The following PLEKHH2 variants were observed in gnomAD, a reference collection of about 807,000 sequenced individuals.
PLEKHH2 encodes the protein pleckstrin homology domain-containing family H member 2.
Under a neutral mutation model 187.9 loss-of-function variants are expected in PLEKHH2, and 129 were observed. The ratio of observed to expected loss-of-function variants is 0.69; its 90% CI spans 0.59 to 0.79. The LOEUF (loss-of-function observed/expected upper bound fraction) is 0.79, where lower values mean the gene tolerates loss of function less well. PLEKHH2 is among the 30% of genes least tolerant of loss of function. PLEKHH2 has a pLI of 0.00. For missense variants in PLEKHH2, 2,076 were observed against 1,751.2 expected (o/e 1.19, Z -3.31); for synonymous variants, 686 against 605.6 (o/e 1.13, Z -1.95).
intron 16 of PLEKHH2, among the ~76,000 whole-genome samples, chr2:43,721,122 T>G (rs1287295616): frequency 6.6e-6 from 1 of 152,184 alleles, no homozygotes; most frequent in Non-Finnish European, 1.5e-5. Flanking sequence ...GGAATCTATT[T>G]CTGTCCCAAG....
Position 43,678,922 on chromosome 2 carries a change from A to C in PLEKHH2, c.183A>C (p.Gln61His), listed in dbSNP as rs1489918434. ...AACGTCAAGCAGAAAAAGCTTTTCA[A>C]CAGGTAGAGTATAATTTTACTTTAA... is the stretch of plus-strand genomic sequence containing the variant. ...DAERQAEKAF[Q>H]QVQVMEDKLK... Residue 61 changes from glutamine (Q) to histidine (H), a missense_variant, in exon 3 of 30, where the codon CAA becomes CAC. By Grantham distance (24) the Gln-to-His change is conservative. Coordinates refer to ENST00000282406, the MANE Select transcript of PLEKHH2 (RefSeq NM_172069.4). 1 of 1,607,076 alleles carries C rather than the reference A, an allele frequency of 6.2e-7. No individual in the cohort carries two copies. The highest frequency in any genetic ancestry group is 1.1e-5 in the South Asian group (1 of 90,348).
At chr2:43,749,048 C>T (rs886725770) in intron 24 of PLEKHH2, among the ~76,000 whole-genome samples, 4 of 152,112 alleles carry the variant, frequency 2.6e-5, no homozygotes, top group African/African-American at 9.7e-5. Context: ...TGAGCCACTG[C>T]GCCCAGCCAA....
chr2:43,640,655 TG>T (rs1278334303), intron 1 of PLEKHH2, among the ~76,000 whole-genome samples: 1 of 152,236 alleles, frequency 6.6e-6, no homozygotes, highest in African/African-American at 2.4e-5. Flanking sequence ...TGAAGTGGAA[TG>T]TTGTTGTGAC....
intron 2 of PLEKHH2, among the ~76,000 whole-genome samples, chr2:43,672,255 GT>G (rs1403805358): frequency 1.3e-5 from 2 of 151,984 alleles, no homozygotes; most frequent in Non-Finnish European, 2.9e-5. Flanking sequence ...GATAATTTGT[GT>G]CTTTTTTCTT....
At chr2:43,645,718 C>T (rs1666150600) in intron 2 of PLEKHH2, among the ~76,000 whole-genome samples, 1 of 152,130 alleles carries the variant, frequency 6.6e-6, no homozygotes, top group Admixed American at 6.5e-5. Context: ...CTTCTTTTTA[C>T]TTTTTAAACG....
chr2:43,749,744 G>A (rs923517981), intron 24 of PLEKHH2, among the ~76,000 whole-genome samples: 1 of 152,218 alleles, frequency 6.6e-6, no homozygotes, highest in Non-Finnish European at 1.5e-5. Context: ...CTTAGACAAT[G>A]AGCCCTAATT....
chr2:43,728,815 G>T (rs1330953568), intron 17 of PLEKHH2, among the ~76,000 whole-genome samples: 1 of 152,056 alleles, frequency 6.6e-6, no homozygotes, highest in Non-Finnish European at 1.5e-5. Context: ...ACCCGGCTTG[G>T]CCTCTCAAAG....
intron 24 of PLEKHH2, among the ~76,000 whole-genome samples, chr2:43,749,054 G>A (rs1671903650): frequency 6.6e-6 from 1 of 152,202 alleles, no homozygotes; most frequent in African/African-American, 2.4e-5. Context: ...ACTGCGCCCA[G>A]CCAAGACTAT....
chr2:43,648,266 G>T (rs1429933996), intron 2 of PLEKHH2, among the ~76,000 whole-genome samples: 2 of 152,062 alleles, frequency 1.3e-5, no homozygotes, highest in Non-Finnish European at 2.9e-5. Context: ...TCAGCTCACT[G>T]CAACCTCCGC....
intron 15 of PLEKHH2, among the ~76,000 whole-genome samples, chr2:43,713,475 G>T (rs899419398): frequency 6.6e-6 from 1 of 152,026 alleles, no homozygotes; most frequent in Non-Finnish European, 1.5e-5. Flanking sequence ...TTACTATGCA[G>T]CCTTTTAAAT....
At chr2:43,710,460 C>G (rs970357695) in intron 13 of PLEKHH2, 29 bp from the exon 14 acceptor site, 1 of 1,588,676 alleles carries the variant, frequency 6.3e-7, no homozygotes, top group South Asian at 1.2e-5. Flanking sequence ...AAGTTAATCA[C>G]TTTCCATTTG....
At position 43,762,404 on chromosome 2, in the gene PLEKHH2, C is replaced by G. The variant is rs1389105970; in HGVS notation, c.4158+14C>G. ...TACAACTCCATGGTAAGTTTAAACG[C>G]TCAAGTTTTGCATTAAGTCAACTGT... On this transcript the variant is annotated intron_variant, in intron 28 of 29. Coordinates refer to ENST00000282406, the MANE Select transcript of PLEKHH2 (RefSeq NM_172069.4). The G allele has an allele frequency of 1.3e-6, 2 of 1,579,492 alleles. No homozygotes were observed. The highest frequency in any genetic ancestry group is 3.3e-5 in the Admixed American group (2 of 59,894).
chr2:43,737,248 G>T lies in PLEKHH2; in HGVS notation c.2944-1093G>T, dbSNP rs141008622. ...GCATACCAAAAAGTCCAGTGCCCAA[G>T]AGTATAACATTCACAACGTCTGCAT... is the stretch of plus-strand genomic sequence containing the variant. On this transcript the variant is annotated intron_variant, in intron 19 of 29. Transcript: ENST00000282406. 2.4e-4 allele frequency among the ~76,000 whole-genome samples: 37 copies of T among 152,294 alleles called. 1 individual carries two copies. Among genetic ancestry groups the T allele is most frequent in the African/African-American group, 7.7e-4 (32 of 41,558 alleles).
intron 25 of PLEKHH2, among the ~76,000 whole-genome samples, chr2:43,755,004 C>G (rs942581549): frequency 2.0e-5 from 3 of 151,364 alleles, no homozygotes; most frequent in African/African-American, 7.3e-5. Flanking sequence ...TCCCTAGTAG[C>G]TGGAATTATA....
chr2:43,659,561 T>G (rs1666964374), intron 2 of PLEKHH2, among the ~76,000 whole-genome samples: 1 of 151,888 alleles, frequency 6.6e-6, no homozygotes, highest in South Asian at 2.1e-4. Flanking sequence ...GAATTTGGGG[T>G]TGCAAGGCAC....
chr2:43,716,279 C>T (rs1309764661), intron 15 of PLEKHH2, among the ~76,000 whole-genome samples: 1 of 152,048 alleles, frequency 6.6e-6, no homozygotes, highest in Non-Finnish European at 1.5e-5. Flanking sequence ...AGTGGGAAGG[C>T]ACACTGGAAG....
chr2:43,729,800 C>T, intron 18 of PLEKHH2, 55 bp downstream of exon 18: 1 of 1,257,592 alleles, frequency 8.0e-7, no homozygotes, highest in South Asian at 1.6e-5. Flanking sequence ...GGACCTCAAC[C>T]CGCTTAGCCT....
rs1037377327 is a variant in PLEKHH2, at chr2:43,654,709, C to T, written c.123+9913C>T. On this transcript the variant is annotated intron_variant, in intron 2 of 29. Transcript: ENST00000282406. ...CTTGGGCAACATAGTAAGACACCCC[C>T]CCCCCCCGCATCTCTACCAAAAAAT... is the stretch of plus-strand genomic sequence containing the variant. Among the ~76,000 whole-genome samples the T allele has an allele frequency of 4.4e-3, 171 of 39,148 alleles. 1 individual carries two copies. Among genetic ancestry groups the T allele is most frequent in the African/African-American group, 0.017 (151 of 9,144 alleles). The allele number at this position is 39,148 out of a possible 152,430, so 25.7% of individuals were successfully genotyped here. A position where few individuals can be genotyped will look rare whatever the true frequency, so the allele number is the denominator to read the frequency against.
Position 43,673,891 on chromosome 2 carries a change from C to G in PLEKHH2, c.124-4972C>G, listed in dbSNP as rs78285318. On this transcript the variant is annotated intron_variant, in intron 2 of 29. Coordinates refer to ENST00000282406, the MANE Select transcript of PLEKHH2 (RefSeq NM_172069.4). ...GATTACCTCCTTTTCATTAAGAAAG[C>G]AAGTAACTTTTGAGCCTGATTGCGC... 4.6e-3 allele frequency among the ~76,000 whole-genome samples: 703 copies of G among 152,222 alleles called. 8 individuals carry two copies. Among genetic ancestry groups the G allele is most frequent in the African/African-American group, 0.016 (660 of 41,536 alleles).
Sources: allele counts gnomAD v4.1 joint callset (sites outside exome capture counted in the v4.1 genomes callset), GRCh38; gene constraint gnomAD v4.1.1; transcripts MANE v1.5; gene names NCBI Gene and HGNC (gene_info 2026-07-23, HGNC 2026-07-21).